PRKCI: variants seen among roughly 807,000 people sequenced by gnomAD.
PRKCI encodes protein kinase C iota.
Under a neutral mutation model 84.0 loss-of-function variants are expected in PRKCI, and 43 were observed. The observed-to-expected ratio is 0.51, with a 90% confidence interval of 0.40 to 0.66. The LOEUF (loss-of-function observed/expected upper bound fraction) is 0.66, where lower values mean the gene tolerates loss of function less well. Ranked by LOEUF, PRKCI falls within the 30% of genes least tolerant of loss-of-function variation. The probability of loss-of-function intolerance (pLI) is 0.00; values close to 1 mark genes in which losing one functional copy is unlikely to be tolerated. For synonymous variants in PRKCI, 216 were observed against 234.4 expected, an observed-to-expected ratio of 0.92 and a Z score of 0.72; for missense variants, 459 against 745.6, an observed-to-expected ratio of 0.62 and a Z score of 4.48.
chr3:170,290,907 G>C (rs1167639663), intron 12 of PRKCI, among the ~76,000 whole-genome samples: 1 of 152,056 alleles, frequency 6.6e-6, no homozygotes. Context: ...GGAGGCCGAG[G>C]TGGGCAGATC....
Position 170,222,619 on chromosome 3 carries a change from A to G in PRKCI, c.-51A>G. On this transcript the variant is annotated 5_prime_UTR_variant, in exon 1 of 18. Transcript: ENST00000295797. ...CGGCGGAGTCCCCCACGGCGCCCGA[A>G]GCGCCCCCCCGCACCCCCGGCCTCC... 1 of 1,475,608 alleles carries G rather than the reference A, an allele frequency of 6.8e-7. No homozygotes were observed. The allele number at this position is 1,475,608 out of a possible 1,614,324, so 91.4% of individuals were successfully genotyped here.
Position 170,299,042 on chromosome 3 carries a change from G to A in PRKCI, c.1635G>A (p.Gly545=). ...CTCCCTTTAAACCAAATATTTCTGG[G>A]GAATTTGGTTTGGACAACTTTGATT... is the stretch of plus-strand genomic sequence containing the variant. ...VVPPFKPNIS[G]EFGLDNFDSQ... is the part of the protein sequence containing the mutation. The change falls in exon 17 of 18, where the codon GGG becomes GGA. Residue 545 remains glycine, a synonymous_variant. Transcript: ENST00000295797. 1 of 1,613,358 alleles carries A rather than the reference G, an allele frequency of 6.2e-7. No homozygotes were observed. Among genetic ancestry groups the A allele is most frequent in the South Asian group, 1.1e-5 (1 of 90,988 alleles).
Position 170,270,620 on chromosome 3 carries a change from TATAAC to T in PRKCI, c.591+61_591+65del, listed in dbSNP as rs2108853792. 3.6e-5 allele frequency: 55 copies of T among 1,509,488 alleles called. No individual in the cohort carries two copies. The South Asian group carries it at 7.0e-4, about 19-fold the overall frequency. The allele number at this position is 1,509,488 out of a possible 1,614,324, so 93.5% of individuals were successfully genotyped here. A position where few individuals can be genotyped will look rare whatever the true frequency, so the allele number is the denominator to read the frequency against. ...TTAAGAGCGTGCTTGATAACACTGCTATAACAGAGTGCTAAAATAGGGAGGTGTTC... is the reference window on the plus strand; with the variant it reads ...TTAAGAGCGTGCTTGATAACACTGCTAGAGTGCTAAAATAGGGAGGTGTTC... On this transcript the variant is annotated intron_variant, in intron 6 of 17. Transcript: ENST00000295797.
At chr3:170,242,710 G>A (rs1424128703) in intron 2 of PRKCI, among the ~76,000 whole-genome samples, 3 of 151,716 alleles carry the variant, frequency 2.0e-5, no homozygotes, top group Admixed American at 6.6e-5. Context: ...TTGCTCTGTC[G>A]CCCAGGCTGG....
At chr3:170,251,140 CAAG>C (rs1733434162) in intron 2 of PRKCI, among the ~76,000 whole-genome samples, 1 of 151,916 alleles carries the variant, frequency 6.6e-6, no homozygotes, top group Non-Finnish European at 1.5e-5. Flanking sequence ...TATAAAGAAA[CAAG>C]AAACTCAATT....
chr3:170,275,120 A>G (rs1260973254), intron 7 of PRKCI, 109 bp from the exon 8 acceptor site: 4 of 1,311,844 alleles, frequency 3.0e-6, no homozygotes, highest in Non-Finnish European at 4.0e-6. Flanking sequence ...AGTAAAAACT[A>G]AAATAAAAAT....
chr3:170,265,114 G>C (rs1733825043), intron 4 of PRKCI, among the ~76,000 whole-genome samples: 2 of 151,948 alleles, frequency 1.3e-5, no homozygotes, highest in East Asian at 3.9e-4. Context: ...GCTTGAACCT[G>C]GGAAGCGGAG....
At chr3:170,297,426 TTCATTATTATCTTGGG>T (rs757884590) in intron 16 of PRKCI, 33 bp downstream of exon 16, 1 of 1,537,270 alleles carries the variant, frequency 6.5e-7, no homozygotes, top group South Asian at 1.1e-5. Context: ...ACTATTAGGT[TTCATTATTATCTTGGG>T]CCAATTTTTT....
chr3:170,249,015 T>A (rs1205821894), intron 2 of PRKCI, among the ~76,000 whole-genome samples: 1 of 151,948 alleles, frequency 6.6e-6, no homozygotes, highest in Non-Finnish European at 1.5e-5. Flanking sequence ...GCTTGGCTAA[T>A]TTTTTTGTAT....
At chr3:170,278,899 C>T (rs1309869305) in intron 8 of PRKCI, among the ~76,000 whole-genome samples, 1 of 152,162 alleles carries the variant, frequency 6.6e-6, no homozygotes, top group African/African-American at 2.4e-5. Flanking sequence ...CAGGAACACA[C>T]CAAGCCATTC....
intron 17 of PRKCI, among the ~76,000 whole-genome samples, chr3:170,301,763 C>T (rs758571351): frequency 6.6e-6 from 1 of 152,184 alleles, no homozygotes; most frequent in Non-Finnish European, 1.5e-5. Context: ...TTGATCTTTA[C>T]TCCTTCACTT....
At chr3:170,229,374 C>T (rs903806515) in intron 1 of PRKCI, among the ~76,000 whole-genome samples, 1 of 152,192 alleles carries the variant, frequency 6.6e-6, no homozygotes, top group Non-Finnish European at 1.5e-5. Flanking sequence ...AGTGCAGTGG[C>T]ATGATCTAGG....
At chr3:170,299,384 C>T (rs1240404596) in intron 17 of PRKCI, among the ~76,000 whole-genome samples, 8 of 152,290 alleles carry the variant, frequency 5.3e-5, no homozygotes, top group African/African-American at 1.9e-4. Flanking sequence ...CGTGCCGCCA[C>T]GCCCAGCTAA....
intron 7 of PRKCI, among the ~76,000 whole-genome samples, chr3:170,274,540 G>A (rs892339800): frequency 4.6e-5 from 7 of 152,186 alleles, no homozygotes; most frequent in East Asian, 1.9e-4. Flanking sequence ...AACTGAAAAC[G>A]TTAGATAGAT....
intron 2 of PRKCI, among the ~76,000 whole-genome samples, chr3:170,238,459 T>C (rs1733037071): frequency 7.3e-6 from 1 of 137,522 alleles, no homozygotes; most frequent in Non-Finnish European, 1.6e-5. Context: ...ATTTGCATCA[T>C]TACTCTTTTT....
intron 1 of PRKCI, among the ~76,000 whole-genome samples, chr3:170,234,340 T>C (rs766054079): frequency 3.5e-4 from 53 of 152,296 alleles, no homozygotes; most frequent in Admixed American, 1.1e-3. Context: ...CTTATACTTA[T>C]ACTTTTTAAG....
chr3:170,302,852 C>T (rs550165170), intron 17 of PRKCI, among the ~76,000 whole-genome samples, 188 bp from the exon 18 acceptor site: 42 of 152,104 alleles, frequency 2.8e-4, no homozygotes, highest in African/African-American at 9.4e-4. Flanking sequence ...GTGGGATTAT[C>T]GGGGTTTTTT....
At chr3:170,243,856 T>C (rs1299471755) in intron 2 of PRKCI, among the ~76,000 whole-genome samples, 1 of 152,210 alleles carries the variant, frequency 6.6e-6, no homozygotes, top group Non-Finnish European at 1.5e-5. Flanking sequence ...ACGGACCTTA[T>C]GCCCAGGAAA....
chr3:170,263,702 T>C (rs1733789465), intron 4 of PRKCI, among the ~76,000 whole-genome samples: 1 of 151,854 alleles, frequency 6.6e-6, no homozygotes, highest in Admixed American at 6.6e-5. Flanking sequence ...GAGGTTGAGG[T>C]GGGAGGATCC....
Sources: allele counts gnomAD v4.1 joint callset (sites outside exome capture counted in the v4.1 genomes callset), GRCh38; gene constraint gnomAD v4.1.1; transcripts MANE v1.5; gene names NCBI Gene and HGNC (gene_info 2026-07-23, HGNC 2026-07-21).